Variants in SV2B observed in about 807,000 individuals in gnomAD.
SV2B encodes the protein solute carrier family 22 member B2.
A neutral mutation model predicts 73.9 loss-of-function variants in SV2B; 41 were observed. That is an observed-to-expected ratio of 0.56 (90% CI 0.43 to 0.72). The LOEUF is 0.72. Ranked by LOEUF, SV2B falls within the 30% of genes least tolerant of loss-of-function variation. SV2B has a pLI of 0.00. For missense variants in SV2B, 764 were observed against 857.8 expected (o/e 0.89, Z 1.37); for synonymous variants, 314 against 314.2 (o/e 1.00, Z 0.01).
At chr15:91,104,772 A>G (rs1265245544) in intron 1 of SV2B, among the ~76,000 whole-genome samples, 1 of 152,208 alleles carries the variant, frequency 6.6e-6, no homozygotes, top group African/African-American at 2.4e-5. Context: ...AGCTGGGACT[A>G]CAGGCGTGCA....
intron 1 of SV2B, among the ~76,000 whole-genome samples, chr15:91,178,541 A>C (rs1210894568): frequency 6.6e-6 from 1 of 152,088 alleles, no homozygotes; most frequent in Non-Finnish European, 1.5e-5. Context: ...TTTGGTTGGT[A>C]AGCTATTGAT....
At position 91,139,632 on chromosome 15, in the gene SV2B, A is replaced by C. The variant is rs965563864; in HGVS notation, c.-392+39269A>C. Among the ~76,000 whole-genome samples, 2 of 152,226 alleles carry C rather than the reference A, an allele frequency of 1.3e-5. No homozygotes were observed. Among genetic ancestry groups the C allele is most frequent in the African/African-American group, 4.8e-5 (2 of 41,466 alleles). On this transcript the variant is annotated intron_variant, in intron 1 of 12. Transcript: ENST00000394232. The surrounding 1 kb of genome is among the most constrained non-coding windows in gnomAD (Gnocchi z 5.2). ...CAGGTCTACAGTGTCCCTGGCTGTCAGAGAAGGCAAAAGCAAATTCTGTCT... is the reference window on the plus strand; with the variant it reads ...CAGGTCTACAGTGTCCCTGGCTGTCCGAGAAGGCAAAAGCAAATTCTGTCT...
intron 1 of SV2B, among the ~76,000 whole-genome samples, chr15:91,157,549 A>T (rs1365816492): frequency 6.6e-6 from 1 of 152,188 alleles, no homozygotes; most frequent in African/African-American, 2.4e-5. Flanking sequence ...TTTGCTGCTT[A>T]CAATATGTTA....
intron 1 of SV2B, among the ~76,000 whole-genome samples, chr15:91,117,652 T>C (rs1479578753): frequency 6.6e-6 from 1 of 152,210 alleles, no homozygotes. Flanking sequence ...TGTCCTAGTA[T>C]ATTTAAAGCC....
chr15:91,142,091 G>T (rs2043013661), intron 1 of SV2B, among the ~76,000 whole-genome samples: 1 of 152,136 alleles, frequency 6.6e-6, no homozygotes, highest in African/African-American at 2.4e-5. Context: ...CTACACTCTG[G>T]AAAGGTCCAA....
At chr15:91,185,400 C>A (rs2044731984) in intron 1 of SV2B, among the ~76,000 whole-genome samples, 1 of 152,210 alleles carries the variant, frequency 6.6e-6, no homozygotes, top group South Asian at 2.1e-4. Flanking sequence ...CATTTTCCTT[C>A]CTTCCATTTA....
chr15:91,188,436 C>T (rs1007642417), intron 1 of SV2B, among the ~76,000 whole-genome samples: 2 of 152,120 alleles, frequency 1.3e-5, no homozygotes, highest in African/African-American at 2.4e-5. Context: ...GCCTCAGCTT[C>T]CCAAGTAGCT....
At chr15:91,212,327 A>G (rs566107961) in intron 1 of SV2B, among the ~76,000 whole-genome samples, 4 of 152,184 alleles carry the variant, frequency 2.6e-5, no homozygotes, top group African/African-American at 7.2e-5. Flanking sequence ...TTAGGTGTCA[A>G]TTAGCCGGCC....
chr15:91,180,963 G>C (rs1431308524), intron 1 of SV2B, among the ~76,000 whole-genome samples: 1 of 152,222 alleles, frequency 6.6e-6, no homozygotes, highest in Non-Finnish European at 1.5e-5. Context: ...GAGGAGGAGA[G>C]GCGCTCTGCT....
chr15:91,176,417 G>A (rs1404756923), intron 1 of SV2B, among the ~76,000 whole-genome samples: 5 of 151,550 alleles, frequency 3.3e-5, no homozygotes, highest in African/African-American at 4.9e-5. Context: ...GTAATTGGAT[G>A]GCTGGGTCAA....
chr15:91,216,148 C>T (rs1042808260), intron 1 of SV2B, among the ~76,000 whole-genome samples: 1 of 152,104 alleles, frequency 6.6e-6, no homozygotes, highest in East Asian at 1.9e-4. Context: ...TTGTTGGAAG[C>T]CTCAAAGAAC....
chr15:91,117,729 A>G (rs146046846), intron 1 of SV2B, among the ~76,000 whole-genome samples: 140 of 152,354 alleles, frequency 9.2e-4, no homozygotes, highest in African/African-American at 3.1e-3. Context: ...ACCCAAACCC[A>G]TGTCAGTAAA....
chr15:91,144,774 C>T (rs1298974440), intron 1 of SV2B, among the ~76,000 whole-genome samples: 1 of 152,170 alleles, frequency 6.6e-6, no homozygotes, highest in Non-Finnish European at 1.5e-5. Context: ...CCTTGGCAGC[C>T]AGCCTATTCC....
chr15:91,138,961 G>A (rs778294085), intron 1 of SV2B, among the ~76,000 whole-genome samples: 9 of 152,148 alleles, frequency 5.9e-5, no homozygotes, highest in African/African-American at 9.7e-5. Context: ...GGTATAGAAC[G>A]TCTATGGATT....
intron 1 of SV2B, among the ~76,000 whole-genome samples, chr15:91,199,885 G>GT (rs2045398906): frequency 6.6e-6 from 1 of 152,204 alleles, no homozygotes; most frequent in Non-Finnish European, 1.5e-5. Flanking sequence ...GGCTAGTTAA[G>GT]TGCACTTCCC....
At chr15:91,134,958 A>C (rs1280601030) in intron 1 of SV2B, among the ~76,000 whole-genome samples, 1 of 151,136 alleles carries the variant, frequency 6.6e-6, no homozygotes, top group Non-Finnish European at 1.5e-5. Flanking sequence ...TTTTCTGCTC[A>C]GATGTTTCTG....
intron 9 of SV2B, among the ~76,000 whole-genome samples, chr15:91,278,678 C>CAAAAAAAAA (rs746732650): frequency 0.027 from 1,133 of 42,220 alleles, 160 homozygotes; most frequent in African/African-American, 0.13. Flanking sequence ...GACTCCGTCT[C>CAAAAAAAAA]AAAAAAAAAA....
At position 91,100,685 on chromosome 15, in the gene SV2B, G is replaced by A. The variant is rs2041698373; in HGVS notation, c.-392+322G>A. On this transcript the variant is annotated intron_variant, in intron 1 of 12. Transcript: ENST00000394232. The surrounding 1 kb of genome is among the most constrained non-coding windows in gnomAD (Gnocchi z 6.4). ...TCAGGCTGCTGGCATTTATAGCTCC[G>A]TTTCCATAAGCTTCCTAGCCGCTGC... 6.6e-6 allele frequency among the ~76,000 whole-genome samples: 1 copy of A among 152,224 alleles called. No individual in the cohort carries two copies. The highest frequency in any genetic ancestry group is 1.5e-5 in the Non-Finnish European group (1 of 68,036).
chr15:91,215,311 C>T (rs929295875), intron 1 of SV2B, among the ~76,000 whole-genome samples: 8 of 152,152 alleles, frequency 5.3e-5, no homozygotes, highest in African/African-American at 1.9e-4. Context: ...TGAGTGAGCA[C>T]AAAAATTACC....
Sources: allele counts gnomAD v4.1 joint callset (sites outside exome capture counted in the v4.1 genomes callset), GRCh38; gene constraint gnomAD v4.1.1; non-coding constraint Gnocchi (gnomAD v3.1); transcripts MANE v1.5; gene names NCBI Gene and HGNC (gene_info 2026-07-23, HGNC 2026-07-21).